Variants in ACP6 observed in about 807,000 individuals in gnomAD.
ACP6 encodes the protein acid phosphatase 6, lysophosphatidic.
In ACP6, 48 loss-of-function variants were observed where a neutral mutation model predicts 48.1. The ratio of observed to expected loss-of-function variants is 1.00; its 90% CI spans 0.79 to 1.27. ACP6 has a LOEUF of 1.27. Among genes scored for constraint, ACP6 ranks in the 50% most tolerant of loss-of-function variants. The pLI is 0.00. For missense variants in ACP6, 485 were observed against 529.1 expected (o/e 0.92, Z 0.82); for synonymous variants, 172 against 204.2 (o/e 0.84, Z 1.34).
At chr1:147,654,430 C>A in intron 5 of ACP6, 104 bp from the exon 6 acceptor site, 4 of 1,325,176 alleles carry the variant, frequency 3.0e-6, no homozygotes, top group Admixed American at 4.2e-5. Context: ...TTAATCCCCA[C>A]AACCCAATGG....
At chr1:147,664,711 C>A (rs587754380) in intron 1 of ACP6, among the ~76,000 whole-genome samples, 2 of 152,182 alleles carry the variant, frequency 1.3e-5, no homozygotes, top group South Asian at 4.1e-4. Flanking sequence ...AAAACTTGAC[C>A]CTGCCTTTCC....
chr1:147,655,054 C>T (rs995834716), intron 5 of ACP6, 107 bp downstream of exon 5: 35 of 849,012 alleles, frequency 4.1e-5, no homozygotes, highest in South Asian at 6.1e-5. Context: ...ATCCATTATT[C>T]GCCAGTAGGG....
Position 147,670,116 on chromosome 1 carries a change from CGG to C in ACP6, c.-70_-69del. The C allele has an allele frequency of 7.2e-7, 1 of 1,382,190 alleles. No individual in the cohort carries two copies. The highest frequency in any genetic ancestry group is 9.5e-7 in the Non-Finnish European group (1 of 1,052,636). 85.6% of individuals were successfully genotyped at this position (1,382,190 alleles called of 1,614,324 possible). A position where few individuals can be genotyped will look rare whatever the true frequency, so the allele number is the denominator to read the frequency against. Reference sequence around the variant, plus strand: ...GCAAACACAAGTCTTCTGCGGGCGCCGGGGCTCAGCGGGCGCCCCCAAGTCCG... The same window carrying C: ...GCAAACACAAGTCTTCTGCGGGCGCCGGCTCAGCGGGCGCCCCCAAGTCCG... On this transcript the variant is annotated 5_prime_UTR_variant, in exon 1 of 10. Transcript: ENST00000583509.
Position 147,646,773 on chromosome 1 carries a change from C to A in ACP6, c.*650G>T. ...TTCCATCTCACCACCCAGCAACGTT[C>A]CCTGACCTTGAAGCCTATCCTTTAT... On this transcript the variant is annotated 3_prime_UTR_variant, in exon 10 of 10. Transcript: ENST00000583509. 1 of 152,590 alleles carries A rather than the reference C, an allele frequency of 6.6e-6. No homozygotes were observed. The highest frequency in any genetic ancestry group is 3.4e-3 in the Middle Eastern group (1 of 296). 9.5% of individuals were successfully genotyped at this position (152,590 alleles called of 1,614,324 possible).
At chr1:147,653,361 C>A (rs983059513) in intron 6 of ACP6, among the ~76,000 whole-genome samples, 6 of 151,842 alleles carry the variant, frequency 4.0e-5, no homozygotes, top group Admixed American at 3.3e-4. Flanking sequence ...GAACTCCTGA[C>A]CTTGTGATCC....
chr1:147,632,836 G>A (rs1659206181), intron 5 of ACP6, among the ~76,000 whole-genome samples: 2 of 152,130 alleles, frequency 1.3e-5, no homozygotes, highest in African/African-American at 4.8e-5. Flanking sequence ...GGGTTGAGGA[G>A]GTGAGGCTCC....
intron 8 of ACP6, among the ~76,000 whole-genome samples, chr1:147,648,692 C>T (rs1010969656): frequency 2.0e-5 from 3 of 152,138 alleles, no homozygotes; most frequent in Non-Finnish European, 2.9e-5. Flanking sequence ...AGAAACTGAG[C>T]GTGTGTGGCT....
In ACP6 at chr1:147,650,248, G is replaced by A. The variant is rs782462247; in HGVS notation, c.882-10C>T. 6 of 1,591,014 alleles carry A rather than the reference G, an allele frequency of 3.8e-6. No homozygotes were observed. In the African/African-American group the frequency reaches 6.8e-5, roughly 18 times the overall value. Reference sequence around the variant, plus strand: ...CATCTGAAGACTTTCCCTGTGAAAAGTGAACAACATTTAAGCACCTAGAGG... The same window carrying A: ...CATCTGAAGACTTTCCCTGTGAAAAATGAACAACATTTAAGCACCTAGAGG... On this transcript the variant is annotated splice_polypyrimidine_tract_variant and intron_variant, in intron 7 of 9. Transcript: ENST00000583509.
At chr1:147,637,675 C>T (rs1659332708), downstream of ACP6, among the ~76,000 whole-genome samples, 1 of 152,194 alleles carries the variant, frequency 6.6e-6, no homozygotes, top group Non-Finnish European at 1.5e-5. Flanking sequence ...TCACACTGAA[C>T]AAATCCCTCA....
intron 5 of ACP6, among the ~76,000 whole-genome samples, chr1:147,635,416 T>TC (rs1322288071): frequency 5.9e-5 from 9 of 152,216 alleles, no homozygotes; most frequent in African/African-American, 2.2e-4. Flanking sequence ...GCTTTCATTT[T>TC]CTCTCTCTCC....
chr1:147,641,700 C>T (rs1378956039), downstream of ACP6, among the ~76,000 whole-genome samples: 1 of 152,216 alleles, frequency 6.6e-6, no homozygotes, highest in Non-Finnish European at 1.5e-5. Flanking sequence ...CAGGACAAAT[C>T]ATCAGGTAGA....
At chr1:147,657,946 A>C (rs1307593035) in intron 4 of ACP6, among the ~76,000 whole-genome samples, 1 of 152,244 alleles carries the variant, frequency 6.6e-6, no homozygotes, top group Non-Finnish European at 1.5e-5. Context: ...TTTCCTTCTC[A>C]GTACCACTTC....
In ACP6 at chr1:147,670,024, G is replaced by A; in HGVS notation, c.25C>T (p.Arg9Cys). MITGVFSM[R>C]LWTPVGVLTS... is the part of the protein sequence containing the mutation. Reference sequence around the variant, plus strand: ...AGGACGCCCACTGGGGTCCACAAGCGCATGCTGAACACACCAGTGATCATG... The same window carrying A: ...AGGACGCCCACTGGGGTCCACAAGCACATGCTGAACACACCAGTGATCATG... Residue 9 changes from arginine (R) to cysteine (C), a missense_variant, in exon 1 of 10, where the codon CGC becomes TGC. By Grantham distance (180) the Arg-to-Cys change is radical. Coordinates refer to ENST00000583509, the MANE Select transcript of ACP6 (RefSeq NM_016361.5). 2 of 1,542,782 alleles carry A rather than the reference G, an allele frequency of 1.3e-6. No homozygotes were observed. The highest frequency in any genetic ancestry group is 8.7e-7 in the Non-Finnish European group (1 of 1,143,148).
At chr1:147,658,792 C>A (rs782556891) in intron 4 of ACP6, among the ~76,000 whole-genome samples, 168 bp downstream of exon 4, 38 of 151,984 alleles carry the variant, frequency 2.5e-4, no homozygotes, top group Non-Finnish European at 3.1e-4. Flanking sequence ...GGCAGGGGCA[C>A]CATAAGGCCA....
At chr1:147,649,963 G>A in intron 8 of ACP6, 180 bp downstream of exon 8, 1 of 544,056 alleles carries the variant, frequency 1.8e-6, no homozygotes, top group Non-Finnish European at 3.2e-6. Flanking sequence ...TGGTAGGAGG[G>A]GTGCAGCAGG....
downstream of ACP6, among the ~76,000 whole-genome samples, chr1:147,640,520 TA>T (rs1553208506): frequency 1.3e-5 from 2 of 152,236 alleles, no homozygotes; most frequent in African/African-American, 4.8e-5. Context: ...TTTCCATACC[TA>T]ATCTATGTCA....
chr1:147,633,358 TAG>T (rs1339245858), intron 5 of ACP6, among the ~76,000 whole-genome samples: 1 of 152,214 alleles, frequency 6.6e-6, no homozygotes, highest in Non-Finnish European at 1.5e-5. Flanking sequence ...ACTGCCCTCA[TAG>T]TTTTATCTTG....
chr1:147,652,169 C>T (rs1233099168), intron 7 of ACP6: 1 of 373,634 alleles, frequency 2.7e-6, no homozygotes, highest in African/African-American at 2.1e-5. Flanking sequence ...CCACCCAAAT[C>T]CTTTAAACCT....
chr1:147,648,311 T>C lies in ACP6; in HGVS notation c.1078A>G (p.Thr360Ala). ...HKWPPFAVDL[T>A]MELYQHLESK... ...TCCAGGTGCTGGTAAAGTTCCATGG[T>C]CAGGTCAACAGCAAACGGTGGCCAT... The change falls in exon 9 of 10, where the codon ACC becomes GCC. Residue 360 changes from threonine to alanine, a missense_variant. Physicochemically the swap from Thr to Ala is moderately conservative, Grantham distance 58. Transcript: ENST00000583509. 2 of 1,614,140 alleles carry C rather than the reference T, an allele frequency of 1.2e-6. No individual in the cohort carries two copies. Among genetic ancestry groups the C allele is most frequent in the Non-Finnish European group, 1.7e-6 (2 of 1,180,008 alleles).
Sources: gnomAD v4.1 joint callset for allele counts (sites outside exome capture counted in the v4.1 genomes callset) on GRCh38, gnomAD v4.1.1 for gene constraint, MANE v1.5 for transcripts, NCBI Gene and HGNC (gene_info 2026-07-23, HGNC 2026-07-21) for gene names.